Variants in CLASP2 observed in about 807,000 individuals in gnomAD.
CLASP2 encodes cytoplasmic linker associated protein 2.
Under a neutral mutation model 194.4 loss-of-function variants are expected in CLASP2, and 47 were observed. That is an observed-to-expected ratio of 0.24 (90% CI 0.19 to 0.31). CLASP2 has a LOEUF of 0.31. Among genes scored for constraint, CLASP2 ranks in the 10% least tolerant of loss-of-function variants. The pLI, the probability that CLASP2 is intolerant of heterozygous loss-of-function variation, is 1.00. For synonymous variants in CLASP2, 619 were observed against 633.5 expected (o/e 0.98, Z 0.34); for missense variants, 1,445 against 1,823.6 (o/e 0.79, Z 3.78).
chr3:33,654,401 G>C (rs766739718), intron 7 of CLASP2, among the ~76,000 whole-genome samples: 13 of 152,122 alleles, frequency 8.5e-5, no homozygotes, highest in Non-Finnish European at 1.5e-4. Flanking sequence ...TTTAATAGAA[G>C]GATTGGGTGA....
chr3:33,687,836 C>A (rs906556373), intron 4 of CLASP2, among the ~76,000 whole-genome samples: 1 of 152,182 alleles, frequency 6.6e-6, no homozygotes, highest in Non-Finnish European at 1.5e-5. Context: ...CAGCTACCAG[C>A]CTCACTGTCC....
intron 6 of CLASP2, among the ~76,000 whole-genome samples, chr3:33,675,161 T>G (rs1364261259): frequency 5.9e-5 from 9 of 152,078 alleles, no homozygotes; most frequent in Non-Finnish European, 1.0e-4. Context: ...CCAATATCCT[T>G]GATGAACATT....
intron 5 of CLASP2, among the ~76,000 whole-genome samples, chr3:33,685,342 CAAAA>C (rs56240569): frequency 4.2e-5 from 2 of 48,140 alleles, no homozygotes; most frequent in Admixed American, 3.1e-4. Flanking sequence ...AACTCCGTCT[CAAAA>C]AAAAAAAAAA....
intron 7 of CLASP2, chr3:33,645,357 C>T (rs756585118): frequency 1.3e-6 from 1 of 764,412 alleles, no homozygotes. Context: ...AGGAGGCTCC[C>T]AATAGTTCAC....
chr3:33,557,465 T>C (rs1028310568), intron 29 of CLASP2, among the ~76,000 whole-genome samples: 6 of 152,154 alleles, frequency 3.9e-5, no homozygotes, highest in African/African-American at 1.4e-4. Flanking sequence ...ACCTCACTCC[T>C]GGGTTCATGC....
intron 1 of CLASP2, among the ~76,000 whole-genome samples, chr3:33,702,329 T>C (rs1417305063): frequency 3.3e-5 from 5 of 152,106 alleles, no homozygotes. Flanking sequence ...AATAAACCCA[T>C]ACATTTGTAT....
chr3:33,635,134 C>A (rs1014809757), intron 8 of CLASP2, among the ~76,000 whole-genome samples: 1 of 151,158 alleles, frequency 6.6e-6, no homozygotes, highest in African/African-American at 2.4e-5. Context: ...GTGGTGTGTG[C>A]CTGTAATCTC....
At chr3:33,651,432 T>G (rs543490386) in intron 7 of CLASP2, among the ~76,000 whole-genome samples, 2 of 149,068 alleles carry the variant, frequency 1.3e-5, no homozygotes, top group Non-Finnish European at 3.0e-5. Flanking sequence ...TGCTTGATTA[T>G]AGGGTGCTGC....
chr3:33,623,408 A>G (rs67011512), intron 10 of CLASP2, among the ~76,000 whole-genome samples: 17,324 of 151,408 alleles, frequency 0.11, 1,224 homozygotes, highest in East Asian at 0.22. Context: ...TCTCCTCTTT[A>G]TTCTCCCTAC....
chr3:33,580,849 AC>A (rs1442109485), intron 23 of CLASP2, among the ~76,000 whole-genome samples: 2 of 151,576 alleles, frequency 1.3e-5, no homozygotes, highest in Non-Finnish European at 2.9e-5. Context: ...CACCGTCTCT[AC>A]TGAAAATACA....
rs2046972476 is a variant in CLASP2, at chr3:33,502,055, GAA to G, written c.4318-289_4318-288del. ...GGCTGCTCACTTGCCAATTCACCCT[GAA>G]AAAAGTCTCCAGACTAACTTTCCTA... On this transcript the variant is annotated intron_variant, in intron 37 of 38. Coordinates refer to ENST00000682230, the MANE Select transcript of CLASP2 (RefSeq NM_001365631.1). The G allele has an allele frequency of 1.2e-5, 3 of 260,858 alleles. No homozygotes were observed. In the South Asian group the frequency reaches 2.9e-4, roughly 25 times the overall value. 16.2% of individuals were successfully genotyped at this position (260,858 alleles called of 1,614,324 possible). A position where few individuals can be genotyped will look rare whatever the true frequency, so the allele number is the denominator to read the frequency against.
chr3:33,573,146 C>T lies in CLASP2; in HGVS notation c.2663G>A (p.Gly888Asp). ...NWSERKEGLL[G>D]LQNLLKNQRT... The stretch of plus-strand genomic sequence containing the variant: ...CTGATTTTTTAATAAGTTCTGCAGA[C>T]CTAGGAGGCCTTCTTTCCTTTCTGA... Residue 888 changes from glycine (G) to aspartate (D), a missense_variant, in exon 25 of 39, where the codon GGT becomes GAT. Physicochemically the swap from Gly to Asp is moderately conservative, Grantham distance 94 (BLOSUM62 -1). This residue lies in a region of CLASP2 where 732 missense variants were observed against 987.9 expected (regional missense o/e 0.74). Coordinates refer to ENST00000682230, the MANE Select transcript of CLASP2 (RefSeq NM_001365631.1). 6.2e-7 allele frequency: 1 copy of T among 1,613,670 alleles called. No homozygotes were observed.
At chr3:33,685,337 C>T (rs1216655202) in intron 5 of CLASP2, among the ~76,000 whole-genome samples, 4 of 66,564 alleles carry the variant, frequency 6.0e-5, no homozygotes, top group Non-Finnish European at 9.3e-5. Context: ...AGCGAAACTC[C>T]GTCTCAAAAA....
Position 33,668,807 on chromosome 3 carries a change from C to T in CLASP2, c.645-5292G>A, listed in dbSNP as rs545359744. On this transcript the variant is annotated intron_variant, in intron 6 of 38. Transcript: ENST00000682230. ...GCATGGAAGAAAGAACAATGGACTGCGTGTCAGGAAGCCATCAACCTCTTA... is the reference window on the plus strand; with the variant it reads ...GCATGGAAGAAAGAACAATGGACTGTGTGTCAGGAAGCCATCAACCTCTTA... Among the ~76,000 whole-genome samples the T allele has an allele frequency of 7.0e-4, 106 of 152,236 alleles. 1 individual carries two copies. Among genetic ancestry groups the T allele is most frequent in the African/African-American group, 2.5e-3 (102 of 41,546 alleles).
At chr3:33,637,755 A>G (rs927344178) in intron 8 of CLASP2, among the ~76,000 whole-genome samples, 1 of 152,236 alleles carries the variant, frequency 6.6e-6, no homozygotes, top group African/African-American at 2.4e-5. Flanking sequence ...CACAATGGCA[A>G]TAACTAATGA....
chr3:33,639,516 T>C (rs770968486), intron 8 of CLASP2, among the ~76,000 whole-genome samples: 15 of 152,222 alleles, frequency 9.9e-5, no homozygotes, highest in Non-Finnish European at 1.0e-4. Flanking sequence ...AAACCTTGTA[T>C]AATAAAATGT....
intron 1 of CLASP2, among the ~76,000 whole-genome samples, chr3:33,717,379 G>C (rs1361553803): frequency 6.6e-6 from 1 of 151,994 alleles, no homozygotes; most frequent in Non-Finnish European, 1.5e-5. Flanking sequence ...ACGAAGAGGC[G>C]GTCTGCCCAG....
intron 12 of CLASP2, among the ~76,000 whole-genome samples, chr3:33,612,667 G>C (rs1246844115): frequency 6.6e-6 from 1 of 152,074 alleles, no homozygotes; most frequent in African/African-American, 2.4e-5. Flanking sequence ...ATTAACATAA[G>C]CATACATATT....
chr3:33,613,321 T>C (rs1255961190), intron 12 of CLASP2, among the ~76,000 whole-genome samples: 1 of 152,148 alleles, frequency 6.6e-6, no homozygotes, highest in East Asian at 1.9e-4. Context: ...GAGAATACTC[T>C]TGAATTGGTC....
Sources: allele counts gnomAD v4.1 joint callset (sites outside exome capture counted in the v4.1 genomes callset), GRCh38; gene constraint gnomAD v4.1.1; regional missense constraint gnomAD v4.1.1; transcripts MANE v1.5; gene names NCBI Gene and HGNC (gene_info 2026-07-23, HGNC 2026-07-21).